The following OSBPL9 variants were observed in gnomAD, a reference collection of about 807,000 sequenced individuals.
The protein encoded by OSBPL9 is oxysterol-binding protein-related protein 9.
A neutral mutation model predicts 106.6 loss-of-function variants in OSBPL9; 40 were observed. The observed-to-expected ratio is 0.38, with a 90% CI of 0.29 to 0.49. OSBPL9 has a LOEUF of 0.49. OSBPL9 is among the 20% of genes least tolerant of loss of function. OSBPL9 has a pLI of 0.97. For missense variants in OSBPL9, 609 were observed against 887.2 expected (o/e 0.69, Z 3.98); for synonymous variants, 269 against 295.4 (o/e 0.91, Z 0.92).
chr1:51,520,786 C>T, the OSBPL9 span, among the ~76,000 whole-genome samples: 1 of 152,212 alleles, frequency 6.6e-6, no homozygotes, highest in Non-Finnish European at 1.5e-5. Flanking sequence ...CCAAGGAACT[C>T]CTAATTCTAC....
chr1:51,557,063 T>A, the OSBPL9 span, among the ~76,000 whole-genome samples: 11 of 152,072 alleles, frequency 7.2e-5, no homozygotes, highest in East Asian at 2.1e-3. Flanking sequence ...TATCAAAATA[T>A]CTCATGTACC....
At chr1:51,582,311 G>C (rs1645225394) in intron 1 of OSBPL9, among the ~76,000 whole-genome samples, 1 of 152,036 alleles carries the variant, frequency 6.6e-6, no homozygotes, top group South Asian at 2.1e-4. Context: ...GACAAGAGAA[G>C]AAGGAGCAGC....
intron 1 of OSBPL9, among the ~76,000 whole-genome samples, chr1:51,623,816 A>G (rs1478239202): frequency 6.6e-6 from 1 of 152,198 alleles, no homozygotes; most frequent in African/African-American, 2.4e-5. Flanking sequence ...TTCTCCTGGA[A>G]AGGTATCAGC....
intron 3 of OSBPL9, among the ~76,000 whole-genome samples, chr1:51,688,612 G>A (rs1654320142): frequency 6.6e-6 from 1 of 151,992 alleles, no homozygotes; most frequent in Admixed American, 6.6e-5. Context: ...GCAAGATCCT[G>A]TCTCTAAAAA....
intron 16 of OSBPL9, 197 bp downstream of exon 16, chr1:51,781,532 A>G (rs1364076533): frequency 1.8e-6 from 1 of 540,644 alleles, no homozygotes; most frequent in African/African-American, 1.9e-5. Flanking sequence ...ATGGGGATGT[A>G]GAAATCAGAT....
chr1:51,628,981 GCTTAACA>G (rs1409155835), intron 1 of OSBPL9, among the ~76,000 whole-genome samples: 1 of 152,056 alleles, frequency 6.6e-6, no homozygotes, highest in Non-Finnish European at 1.5e-5. Flanking sequence ...CCCGGCCTTA[GCTTAACA>G]CTCTCTATTC....
At chr1:51,644,320 T>C (rs926922408) in intron 1 of OSBPL9, among the ~76,000 whole-genome samples, 9 of 152,024 alleles carry the variant, frequency 5.9e-5, no homozygotes, top group Admixed American at 2.6e-4. Context: ...TTTATACATA[T>C]TGAGTTTTGT....
At chr1:51,671,159 G>A (rs1403816609) in intron 3 of OSBPL9, among the ~76,000 whole-genome samples, 2 of 152,158 alleles carry the variant, frequency 1.3e-5, no homozygotes, top group Admixed American at 6.5e-5. Context: ...ATTTTCTATT[G>A]TAGTAGTTAT....
intron 1 of OSBPL9, among the ~76,000 whole-genome samples, chr1:51,590,481 G>A (rs1407979102): frequency 6.6e-6 from 1 of 151,688 alleles, no homozygotes; most frequent in Non-Finnish European, 1.5e-5. Context: ...TTAGCCGGGC[G>A]TAGTGGCGGG....
the OSBPL9 span, among the ~76,000 whole-genome samples, chr1:51,551,290 T>C: frequency 6.6e-6 from 1 of 152,204 alleles, no homozygotes; most frequent in African/African-American, 2.4e-5. Context: ...GTCAGCATCA[T>C]GTTCCTGCAT....
At chr1:51,541,165 CTTGT>C in the OSBPL9 span, among the ~76,000 whole-genome samples, 65 of 152,150 alleles carry the variant, frequency 4.3e-4, no homozygotes, top group African/African-American at 1.5e-3. Flanking sequence ...TGTTTGTTTG[CTTGT>C]TTGTCTCTCT....
At chr1:51,524,197 C>T in the OSBPL9 span, among the ~76,000 whole-genome samples, 3 of 152,184 alleles carry the variant, frequency 2.0e-5, no homozygotes, top group African/African-American at 7.2e-5. Flanking sequence ...CATCCCTGTG[C>T]CAGGGATTGA....
At chr1:51,541,814 TG>T in the OSBPL9 span, among the ~76,000 whole-genome samples, 1 of 152,240 alleles carries the variant, frequency 6.6e-6, no homozygotes, top group African/African-American at 2.4e-5. Flanking sequence ...TCTCAGGTTA[TG>T]GTCGAGTCCA....
At chr1:51,755,473 G>GT (rs1670137836) in intron 8 of OSBPL9, among the ~76,000 whole-genome samples, 1 of 152,116 alleles carries the variant, frequency 6.6e-6, no homozygotes, top group Non-Finnish European at 1.5e-5. Flanking sequence ...AGTAATATGC[G>GT]TTCAATAGAA....
Position 51,667,073 on chromosome 1 carries a change from G to A in OSBPL9, c.163-2361G>A, listed in dbSNP as rs149627791. ...AGCACAGCCTGTGGTAATGGAACAA[G>A]GGGTAGTTGTACAGACCTGGAGGTT... On this transcript the variant is annotated intron_variant, in intron 2 of 23. Coordinates refer to ENST00000428468, the MANE Select transcript of OSBPL9 (RefSeq NM_024586.6). Among the ~76,000 whole-genome samples, 153 of 152,302 alleles carry A rather than the reference G, an allele frequency of 1.0e-3. 1 individual carries two copies. Among genetic ancestry groups the A allele is most frequent in the Admixed American group, 9.4e-3 (144 of 15,296 alleles).
In OSBPL9 at chr1:51,744,728, T is replaced by C. The variant is rs115895536; in HGVS notation, c.319-808T>C. The stretch of plus-strand genomic sequence containing the variant: ...GTCCCCTGCTTAACAGTATGATGAC[T>C]GGGCATGAAAATGTGGCAGTCAGAG... On this transcript the variant is annotated intron_variant, in intron 4 of 23. Coordinates refer to ENST00000428468, the MANE Select transcript of OSBPL9 (RefSeq NM_024586.6). Among the ~76,000 whole-genome samples, 21 of 152,336 alleles carry C rather than the reference T, an allele frequency of 1.4e-4. 1 individual carries two copies. Among genetic ancestry groups the C allele is most frequent in the African/African-American group, 4.6e-4 (19 of 41,576 alleles).
chr1:51,613,277 C>T (rs2148606725), upstream of OSBPL9, among the ~76,000 whole-genome samples: 1 of 152,238 alleles, frequency 6.6e-6, no homozygotes, highest in East Asian at 1.9e-4. Flanking sequence ...TTTGCTTATC[C>T]CAAAAGACAT....
the OSBPL9 span, among the ~76,000 whole-genome samples, chr1:51,535,292 T>A: frequency 8.5e-5 from 13 of 152,296 alleles, no homozygotes; most frequent in South Asian, 2.5e-3. Context: ...AGGAGAGTCA[T>A]AGAGTCACAA....
rs750653717 is a variant in OSBPL9 at position 51,785,882 on chromosome 1, CA to C, written c.1905del (p.Glu637LysfsTer6). The C allele has an allele frequency of 6.2e-7, 1 of 1,610,016 alleles. No homozygotes were observed. On this transcript the variant is annotated frameshift_variant, in exon 21 of 24. Coordinates refer to ENST00000428468, the MANE Select transcript of OSBPL9 (RefSeq NM_024586.6). LOFTEE classifies it high-confidence loss of function. ...GGTGTGATGTATGCAAAATATGCAACAGGGGTAAGATCCTCTATTTTGCCAC... is the reference window on the plus strand; with the variant it reads ...GGTGTGATGTATGCAAAATATGCAACGGGGTAAGATCCTCTATTTTGCCAC... ...WNGVMYAKYA[T>X]GENTVFVDTK...
Sources: gnomAD v4.1 joint callset for allele counts (sites outside exome capture counted in the v4.1 genomes callset) on GRCh38, gnomAD v4.1.1 for gene constraint, MANE v1.5 for transcripts, NCBI Gene and HGNC (gene_info 2026-07-23, HGNC 2026-07-21) for gene names.